RRBP1: variants seen among roughly 807,000 people sequenced by gnomAD.
RRBP1 encodes the protein ribosome-binding protein 1.
Under a neutral mutation model 165.2 loss-of-function variants are expected in RRBP1, and 94 were observed. That is an observed-to-expected ratio of 0.57 (90% CI 0.48 to 0.68). The LOEUF (loss-of-function observed/expected upper bound fraction) is 0.68. Ranked by LOEUF, RRBP1 falls within the 30% of genes least tolerant of loss-of-function variation. The pLI, the probability that RRBP1 is intolerant of heterozygous loss-of-function variation, is 0.00. For synonymous variants in RRBP1, 680 were observed against 714.5 expected, an observed-to-expected ratio of 0.95 and a Z score of 0.77; for missense variants, 1,676 against 1,763.0, an observed-to-expected ratio of 0.95 and a Z score of 0.88.
intron 3 of RRBP1, among the ~76,000 whole-genome samples, chr20:17,652,370 T>C (rs1460269968): frequency 2.6e-5 from 4 of 152,206 alleles, no homozygotes; most frequent in Non-Finnish European, 5.9e-5. Context: ...AATGCTCCCA[T>C]GTGACCAGTG....
chr20:17,657,318 G>C, intron 3 of RRBP1, among the ~76,000 whole-genome samples: 1 of 152,212 alleles, frequency 6.6e-6, no homozygotes. Context: ...CAGGGGACAG[G>C]GCCTCTCACA....
chr20:17,673,471 C>T (rs1207981239), intron 2 of RRBP1, among the ~76,000 whole-genome samples: 1 of 152,098 alleles, frequency 6.6e-6, no homozygotes, highest in South Asian at 2.1e-4. Flanking sequence ...TGCAGTGGTA[C>T]GATCCCGGCT....
At chr20:17,641,944 A>G (rs1388421139) in intron 4 of RRBP1, 25 bp from the exon 5 acceptor site, 1 of 1,604,648 alleles carries the variant, frequency 6.2e-7, no homozygotes, top group African/African-American at 1.3e-5. Context: ...AGATGCGTTA[A>G]CAGAGGGGAC....
At chr20:17,633,758 T>TCA (rs1256561243) in intron 7 of RRBP1, 145 bp from the exon 8 acceptor site, 1 of 770,082 alleles carries the variant, frequency 1.3e-6, no homozygotes, top group African/African-American at 1.8e-5. Context: ...TTTTCCATTA[T>TCA]CAGCTGTGTG....
chr20:17,640,409 G>T (rs984812849), intron 5 of RRBP1, among the ~76,000 whole-genome samples: 1 of 152,230 alleles, frequency 6.6e-6, no homozygotes, highest in African/African-American at 2.4e-5. Flanking sequence ...GCACAGGTAG[G>T]GAAAGGGAAG....
intron 2 of RRBP1, among the ~76,000 whole-genome samples, chr20:17,671,626 A>C (rs548616206): frequency 6.6e-6 from 1 of 152,276 alleles, no homozygotes; most frequent in Admixed American, 6.5e-5. Flanking sequence ...TTCTCCATGA[A>C]GGTGTCATGG....
At chr20:17,678,031 A>G (rs544655472) in intron 2 of RRBP1, among the ~76,000 whole-genome samples, 10 of 152,316 alleles carry the variant, frequency 6.6e-5, no homozygotes, top group Admixed American at 5.9e-4. Context: ...TAGAAATCAC[A>G]AAATGTTCTT....
At chr20:17,681,689 G>C (rs2037192090) in intron 1 of RRBP1, among the ~76,000 whole-genome samples, 1 of 150,178 alleles carries the variant, frequency 6.7e-6, no homozygotes, top group African/African-American at 2.4e-5. Flanking sequence ...GGAGCGCGCT[G>C]GCCGGCCCGA....
intron 3 of RRBP1, among the ~76,000 whole-genome samples, chr20:17,653,258 T>C (rs1013335284): frequency 1.8e-4 from 28 of 152,126 alleles, no homozygotes; most frequent in African/African-American, 4.6e-4. Flanking sequence ...TGAGGAGAGG[T>C]GCACACTTCA....
At chr20:17,651,692 C>CA (rs1258258729) in intron 3 of RRBP1, among the ~76,000 whole-genome samples, 1 of 152,136 alleles carries the variant, frequency 6.6e-6, no homozygotes, top group Non-Finnish European at 1.5e-5. Context: ...TGGGATGGAG[C>CA]AAAAAGACTT....
intron 1 of RRBP1, among the ~76,000 whole-genome samples, chr20:17,680,549 G>A (rs576864830): frequency 6.6e-6 from 1 of 152,208 alleles, no homozygotes; most frequent in East Asian, 1.9e-4. Context: ...TGACCTCTCA[G>A]AGTAATTGCC....
intron 7 of RRBP1, 64 bp downstream of exon 7, chr20:17,635,482 C>CTA: frequency 7.9e-7 from 1 of 1,261,932 alleles, no homozygotes; most frequent in Non-Finnish European, 1.1e-6. Flanking sequence ...TGGCCGCAGC[C>CTA]TCGTGAAGCC....
intron 24 of RRBP1, 147 bp from the exon 25 acceptor site, chr20:17,614,367 T>C (rs1329113581): frequency 2.7e-5 from 20 of 745,312 alleles, no homozygotes; most frequent in Non-Finnish European, 3.8e-5. Context: ...CACAGACCCC[T>C]GGGGCTGGGG....
chr20:17,677,769 G>A (rs1172839912), intron 2 of RRBP1, among the ~76,000 whole-genome samples: 1 of 152,244 alleles, frequency 6.6e-6, no homozygotes, highest in East Asian at 1.9e-4. Context: ...AACCCGGGAG[G>A]TAGAAGTTGC....
chr20:17,636,086 G>A (rs1384201057), intron 6 of RRBP1, among the ~76,000 whole-genome samples: 2 of 152,372 alleles, frequency 1.3e-5, no homozygotes, highest in Admixed American at 6.5e-5. Context: ...GGAGGAGGTC[G>A]CAGCCCACTA....
chr20:17,621,660 A>G (rs764761750), intron 15 of RRBP1, 30 bp downstream of exon 15: 1 of 1,609,950 alleles, frequency 6.2e-7, no homozygotes, highest in South Asian at 1.1e-5. Context: ...GGAGCCCAAC[A>G]GAGGAGCCTT....
intron 9 of RRBP1, 133 bp from the exon 10 acceptor site, chr20:17,627,815 G>A (rs2036059490): frequency 3.6e-6 from 3 of 833,950 alleles, no homozygotes; most frequent in Admixed American, 3.1e-5. Context: ...GTGTGTCTGG[G>A]GCTCTTAAGA....
At position 17,643,226 on chromosome 20, in the gene RRBP1, C is replaced by T. The variant is rs144818459; in HGVS notation, c.1913-99G>A. On this transcript the variant is annotated intron_variant, in intron 3 of 24. Coordinates refer to ENST00000377813, the MANE Select transcript of RRBP1 (RefSeq NM_001365613.2). The surrounding 1 kb of genome is among the most constrained non-coding windows in gnomAD (Gnocchi z 4.3). ...ACCAAGAAGGTTCTGGTCACAGCCA[C>T]GAAGAGCTCTCTGACTGCTTGGGGT... The T allele has an allele frequency of 4.0e-4, 523 of 1,293,782 alleles. 5 individuals are homozygous for T. In the Middle Eastern group the frequency reaches 0.014, roughly 34 times the overall value. 80.1% of individuals were successfully genotyped at this position (1,293,782 alleles called of 1,614,324 possible). A position where few individuals can be genotyped will look rare whatever the true frequency, so the allele number is the denominator to read the frequency against.
intron 2 of RRBP1, among the ~76,000 whole-genome samples, chr20:17,663,544 C>T (rs528448736): frequency 2.0e-5 from 3 of 152,210 alleles, no homozygotes; most frequent in South Asian, 4.1e-4. Context: ...AATGAAAAGC[C>T]CTAGTCTTAA....
Sources: allele counts gnomAD v4.1 joint callset (sites outside exome capture counted in the v4.1 genomes callset), GRCh38; gene constraint gnomAD v4.1.1; non-coding constraint Gnocchi (gnomAD v3.1); transcripts MANE v1.5; gene names NCBI Gene and HGNC (gene_info 2026-07-23, HGNC 2026-07-21).